The following KIAA1328 variants were observed in gnomAD, a reference collection of about 807,000 sequenced individuals.
The protein encoded by KIAA1328 is KIAA1328, also known as protein hinderin.
A neutral mutation model predicts 68.1 loss-of-function variants in KIAA1328; 52 were observed. That is an observed-to-expected ratio of 0.76 (90% CI 0.61 to 0.96). The LOEUF (loss-of-function observed/expected upper bound fraction) is 0.96, where lower values mean the gene tolerates loss of function less well. KIAA1328 is among the 40% of genes least tolerant of loss of function. The pLI is 0.00. For missense variants in KIAA1328, 641 were observed against 677.6 expected (o/e 0.95, Z 0.60); for synonymous variants, 232 against 239.4 (o/e 0.97, Z 0.28).
At chr18:37,119,656 G>A (rs1463835776) in intron 7 of KIAA1328, among the ~76,000 whole-genome samples, 1 of 152,228 alleles carries the variant, frequency 6.6e-6, no homozygotes, top group Non-Finnish European at 1.5e-5. Flanking sequence ...CAAATTGGGG[G>A]TTAGGCCTTC....
intron 7 of KIAA1328, among the ~76,000 whole-genome samples, chr18:37,144,642 C>T (rs1289799745): frequency 1.3e-5 from 2 of 152,078 alleles, no homozygotes; most frequent in African/African-American, 4.8e-5. Flanking sequence ...GGTCCTTCCA[C>T]CTCAGCCTCC....
chr18:37,221,450 G>A (rs2060561251), intron 9 of KIAA1328, among the ~76,000 whole-genome samples: 1 of 152,176 alleles, frequency 6.6e-6, no homozygotes, highest in South Asian at 2.1e-4. Flanking sequence ...TTTGAACCAA[G>A]CGTGTCTGTC....
chr18:37,039,888 T>C, intron 6 of KIAA1328, among the ~76,000 whole-genome samples: 1 of 152,196 alleles, frequency 6.6e-6, no homozygotes, highest in Non-Finnish European at 1.5e-5. Context: ...ATTTGGACAC[T>C]CTTGGGAAGA....
chr18:37,013,138 A>G (rs780134926), intron 6 of KIAA1328, among the ~76,000 whole-genome samples: 2 of 152,138 alleles, frequency 1.3e-5, no homozygotes, highest in African/African-American at 2.4e-5. Flanking sequence ...TTAAAATAGC[A>G]CCTGGATGGT....
rs1026402132 is a variant in KIAA1328, at chr18:37,224,634, T to C, written c.*2407T>C. 1.3e-5 allele frequency: 13 copies of C among 985,070 alleles called. No homozygotes were observed. Among genetic ancestry groups the C allele is most frequent in the Non-Finnish European group, 1.6e-5 (13 of 829,702 alleles). 61.0% of individuals were successfully genotyped at this position (985,070 alleles called of 1,614,324 possible). A position where few individuals can be genotyped will look rare whatever the true frequency, so the allele number is the denominator to read the frequency against. The stretch of plus-strand genomic sequence containing the variant: ...TACATACATATGAATGAAAGGTTGT[T>C]ACAGAGCCTCAAAGCTGTTGCAGAC... On this transcript the variant is annotated 3_prime_UTR_variant, in exon 10 of 10. Coordinates refer to ENST00000280020, the MANE Select transcript of KIAA1328 (RefSeq NM_020776.3).
chr18:37,121,424 A>ATCTATCTG (rs1556892140), intron 7 of KIAA1328, among the ~76,000 whole-genome samples: 14 of 149,544 alleles, frequency 9.4e-5, no homozygotes, highest in Non-Finnish European at 1.3e-4. Flanking sequence ...ACTTCTATCT[A>ATCTATCTG]TCTATCTATC....
chr18:36,933,821 A>G (rs1337411951), intron 5 of KIAA1328, among the ~76,000 whole-genome samples: 4 of 152,230 alleles, frequency 2.6e-5, no homozygotes, highest in Non-Finnish European at 2.9e-5. Flanking sequence ...GCTGTCAGTC[A>G]GGAGAGCCTA....
Position 37,224,056 on chromosome 18 carries a change from T to C in KIAA1328, c.*1829T>C, listed in dbSNP as rs2060608225. ...GGAGCTTTCTGTGGTATGGCAGAAA[T>C]GGGTGGATGGCAAACTAAGAGCCCT... On this transcript the variant is annotated 3_prime_UTR_variant, in exon 10 of 10. Coordinates refer to ENST00000280020, the MANE Select transcript of KIAA1328 (RefSeq NM_020776.3). 1.0e-6 allele frequency: 1 copy of C among 985,340 alleles called. No individual in the cohort carries two copies. Among genetic ancestry groups the C allele is most frequent in the African/African-American group, 1.7e-5 (1 of 57,326 alleles). 61.0% of individuals were successfully genotyped at this position (985,340 alleles called of 1,614,324 possible).
intron 9 of KIAA1328, among the ~76,000 whole-genome samples, chr18:37,215,908 T>C (rs1356835027): frequency 6.6e-6 from 1 of 152,250 alleles, no homozygotes; most frequent in Non-Finnish European, 1.5e-5. Flanking sequence ...TTTATCCATT[T>C]CTTGTAGATT....
chr18:36,947,925 C>T (rs2151210719), intron 5 of KIAA1328, among the ~76,000 whole-genome samples: 1 of 152,136 alleles, frequency 6.6e-6, no homozygotes, highest in East Asian at 1.9e-4. Context: ...GACTGCTTTG[C>T]CAGTCTTAAG....
chr18:37,077,238 C>T (rs991914969), intron 7 of KIAA1328, among the ~76,000 whole-genome samples: 2 of 137,992 alleles, frequency 1.4e-5, no homozygotes, highest in Non-Finnish European at 3.0e-5. Context: ...AAAAACTGCA[C>T]GATTATCTCA....
intron 4 of KIAA1328, among the ~76,000 whole-genome samples, chr18:36,845,617 TCTAATACCTCAATATTAAGAAGAG>T (rs2047001391): frequency 6.6e-6 from 1 of 151,634 alleles, no homozygotes; most frequent in South Asian, 2.1e-4. Context: ...TATAAAGAAC[TCTAATACCTCAATATTAAGAAGAG>T]AACGTGATGG....
At chr18:37,190,142 T>C (rs1341128831) in intron 9 of KIAA1328, among the ~76,000 whole-genome samples, 1 of 152,186 alleles carries the variant, frequency 6.6e-6, no homozygotes, top group Non-Finnish European at 1.5e-5. Flanking sequence ...TGGATTGGCC[T>C]TTTAGCTGGA....
chr18:36,850,327 A>G (rs1343171500), intron 4 of KIAA1328, among the ~76,000 whole-genome samples: 1 of 151,980 alleles, frequency 6.6e-6, no homozygotes, highest in Non-Finnish European at 1.5e-5. Context: ...TTGTGTGTTG[A>G]TCTTGTACTC....
intron 6 of KIAA1328, among the ~76,000 whole-genome samples, chr18:36,995,782 T>C (rs2053366463): frequency 6.6e-6 from 1 of 152,220 alleles, no homozygotes; most frequent in Non-Finnish European, 1.5e-5. Flanking sequence ...TATGCCTTTC[T>C]CCTATTCCTC....
chr18:37,151,526 A>G (rs1025615719), intron 7 of KIAA1328, among the ~76,000 whole-genome samples: 1 of 152,174 alleles, frequency 6.6e-6, no homozygotes, highest in Non-Finnish European at 1.5e-5. Flanking sequence ...AATTTTAGGT[A>G]TGTAAATTAA....
chr18:36,926,384 T>C (rs2050118206), intron 5 of KIAA1328, among the ~76,000 whole-genome samples: 1 of 17,538 alleles, frequency 5.7e-5, no homozygotes, highest in African/African-American at 9.8e-5. Context: ...TCTCTCTCTC[T>C]ATTTATTTAT....
At position 37,160,083 on chromosome 18, in the gene KIAA1328, G is replaced by A. The variant is rs555918077; in HGVS notation, c.1233-117G>A. Reference sequence around the variant, plus strand: ...TTATTTAAATTATACCTCAATAAAAGGTAAGATAAAGAGAGTTCTTAATGA... The same window carrying A: ...TTATTTAAATTATACCTCAATAAAAAGTAAGATAAAGAGAGTTCTTAATGA... On this transcript the variant is annotated intron_variant, in intron 7 of 9. Transcript: ENST00000280020. The A allele has an allele frequency of 1.0e-4, 72 of 703,648 alleles. No individual in the cohort carries two copies. In the African/African-American group the frequency reaches 1.2e-3, roughly 12 times the overall value. 43.6% of individuals were successfully genotyped at this position (703,648 alleles called of 1,614,324 possible).
chr18:36,904,431 T>G (rs1323511098), intron 5 of KIAA1328, among the ~76,000 whole-genome samples: 1 of 152,108 alleles, frequency 6.6e-6, no homozygotes, highest in Non-Finnish European at 1.5e-5. Context: ...AGTTTGAGAT[T>G]ATTATCTTCT....
Sources: gnomAD v4.1 joint callset for allele counts (sites outside exome capture counted in the v4.1 genomes callset) on GRCh38, gnomAD v4.1.1 for gene constraint, MANE v1.5 for transcripts, NCBI Gene and HGNC (gene_info 2026-07-23, HGNC 2026-07-21) for gene names.